The following ZNF362 variants were observed in gnomAD, a reference collection of about 807,000 sequenced individuals.
The protein encoded by ZNF362 is zinc finger protein 362.
A neutral mutation model predicts 42.9 loss-of-function variants in ZNF362; 11 were observed. The observed-to-expected ratio is 0.26, with a 90% CI of 0.16 to 0.42. The LOEUF (loss-of-function observed/expected upper bound fraction) is 0.42, where lower values mean the gene tolerates loss of function less well. Ranked by LOEUF, ZNF362 falls within the 20% of genes least tolerant of loss-of-function variation. The pLI, the probability that ZNF362 is intolerant of heterozygous loss-of-function variation, is 1.00. For synonymous variants in ZNF362, 255 were observed against 257.3 expected (o/e 0.99, Z 0.09); for missense variants, 362 against 576.2 (o/e 0.63, Z 3.81).
the ZNF362 span, among the ~76,000 whole-genome samples, chr1:33,224,830 G>A: frequency 1.3e-5 from 2 of 152,136 alleles, no homozygotes; most frequent in Non-Finnish European, 2.9e-5. Flanking sequence ...GAATGAATAC[G>A]AAGAAAACCA....
chr1:33,290,167 C>T (rs1646066306), intron 6 of ZNF362, among the ~76,000 whole-genome samples: 1 of 152,078 alleles, frequency 6.6e-6, no homozygotes, highest in Admixed American at 6.5e-5. Flanking sequence ...CATATGTATA[C>T]ATGTGCCATG....
the ZNF362 span, among the ~76,000 whole-genome samples, chr1:33,188,546 T>C: frequency 1.3e-5 from 2 of 152,166 alleles, no homozygotes; most frequent in Admixed American, 6.5e-5. Context: ...TCACAGCACC[T>C]CCAGGGTGGT....
chr1:33,194,642 T>G, the ZNF362 span: 1 of 152,036 alleles, frequency 6.6e-6, no homozygotes, highest in African/African-American at 2.4e-5. Flanking sequence ...TTTTAAGCCT[T>G]TTGTGTATCA....
chr1:33,241,571 C>T, the ZNF362 span, among the ~76,000 whole-genome samples: 2 of 149,148 alleles, frequency 1.3e-5, no homozygotes, highest in African/African-American at 4.9e-5. Flanking sequence ...AGTAAATAAA[C>T]AAATAAATAA....
chr1:33,198,810 C>A, the ZNF362 span, among the ~76,000 whole-genome samples: 4 of 152,052 alleles, frequency 2.6e-5, no homozygotes, highest in Non-Finnish European at 4.4e-5. Flanking sequence ...AAAGATTAAA[C>A]ATGTTAAACA....
the ZNF362 span, among the ~76,000 whole-genome samples, chr1:33,236,630 A>G: frequency 7.1e-6 from 1 of 141,484 alleles, no homozygotes; most frequent in Admixed American, 7.3e-5. Context: ...CTGATAATTT[A>G]TGTTGTAGTT....
intron 1 of ZNF362, among the ~76,000 whole-genome samples, chr1:33,270,096 A>G (rs1645890930): frequency 6.6e-6 from 1 of 152,210 alleles, no homozygotes; most frequent in Non-Finnish European, 1.5e-5. Flanking sequence ...GAGTAAAATA[A>G]TGGCTGTAAA....
the ZNF362 span, chr1:33,147,111 A>G: frequency 5.2e-5 from 81 of 1,555,416 alleles, no homozygotes; most frequent in South Asian, 5.4e-4. The surrounding 1 kb of genome is among the most constrained non-coding windows in gnomAD (Gnocchi z 8.1). Flanking sequence ...CAGGTCTTCT[A>G]TCTCCTGGGC....
chr1:33,234,852 A>G, the ZNF362 span, among the ~76,000 whole-genome samples: 2 of 152,112 alleles, frequency 1.3e-5, no homozygotes, highest in Non-Finnish European at 2.9e-5. Context: ...GCTGCCAGGG[A>G]GATCAAAGAG....
At chr1:33,230,442 A>G in the ZNF362 span, among the ~76,000 whole-genome samples, 1 of 152,200 alleles carries the variant, frequency 6.6e-6, no homozygotes, top group Non-Finnish European at 1.5e-5. Flanking sequence ...AGGAAAGGAA[A>G]AGCAAAACCA....
chr1:33,236,568 TATATAC>T, the ZNF362 span, among the ~76,000 whole-genome samples: 5 of 94,344 alleles, frequency 5.3e-5, no homozygotes, highest in Non-Finnish European at 1.0e-4. Flanking sequence ...TATATATATA[TATATAC>T]ATACACACAC....
At chr1:33,249,066 A>G in the ZNF362 span, among the ~76,000 whole-genome samples, 22 of 152,398 alleles carry the variant, frequency 1.4e-4, no homozygotes, top group African/African-American at 5.0e-4. Flanking sequence ...GAATAATTAC[A>G]GCTGAGATAA....
the ZNF362 span, among the ~76,000 whole-genome samples, chr1:33,173,069 G>A: frequency 2.0e-5 from 3 of 152,140 alleles, no homozygotes; most frequent in South Asian, 2.1e-4. Flanking sequence ...AAACCTGACC[G>A]TGACAAACTT....
chr1:33,276,753 G>A (rs1461887829), intron 4 of ZNF362, among the ~76,000 whole-genome samples, 159 bp downstream of exon 4: 1 of 152,202 alleles, frequency 6.6e-6, no homozygotes, highest in Non-Finnish European at 1.5e-5. Context: ...GGTTGGCCAC[G>A]ACGAGCCACA....
chr1:33,189,657 A>ATATATATATATATATG, the ZNF362 span, among the ~76,000 whole-genome samples: 3 of 101,996 alleles, frequency 2.9e-5, no homozygotes, highest in African/African-American at 1.2e-4. Flanking sequence ...ATATATATAT[A>ATATATATATATATATG]TATATATATA....
rs1385845171 is a variant in ZNF362 at position 33,294,995 on chromosome 1, A to G, written c.967A>G (p.Thr323Ala). ...CPHPGCEKAFTQLSNLQSHQR... is the reference protein window; with the variant it reads ...CPHPGCEKAFAQLSNLQSHQR... The stretch of plus-strand genomic sequence containing the variant: ...ACATCCTGGCTGCGAGAAGGCTTTC[A>G]CTCAGCTCTCCAACCTCCAGGTGAG... The change falls in exon 7 of 9, where the codon ACT (threonine) becomes GCT (alanine). Residue 323 changes from threonine to alanine, a missense_variant. Around this residue, in one of 3 missense-constraint regions of ZNF362, gnomAD observed 28 missense variants for 103.4 expected, o/e 0.27. Transcript: ENST00000539719. The surrounding 1 kb of genome is among the most constrained non-coding windows in gnomAD (Gnocchi z 4.2). 1 of 1,613,920 alleles carries G rather than the reference A, an allele frequency of 6.2e-7. No individual in the cohort carries two copies. Among genetic ancestry groups the G allele is most frequent in the Non-Finnish European group, 8.5e-7 (1 of 1,179,944 alleles).
the ZNF362 span, among the ~76,000 whole-genome samples, chr1:33,206,249 C>A: frequency 1.3e-5 from 2 of 151,840 alleles, no homozygotes; most frequent in African/African-American, 4.8e-5. Context: ...GATTTTAGAT[C>A]TTTCCTGCTT....
chr1:33,279,643 C>CCT (rs1645976097), intron 4 of ZNF362, among the ~76,000 whole-genome samples: 1 of 80,406 alleles, frequency 1.2e-5, no homozygotes, highest in East Asian at 3.9e-4. Flanking sequence ...CACAGTTAAG[C>CCT]CTCTTTTTTT....
chr1:33,234,885 C>G, the ZNF362 span, among the ~76,000 whole-genome samples: 1 of 152,196 alleles, frequency 6.6e-6, no homozygotes, highest in African/African-American at 2.4e-5. Context: ...GGAGGCCTCA[C>G]AGCTGCCTGC....
Sources: allele counts gnomAD v4.1 joint callset (sites outside exome capture counted in the v4.1 genomes callset), GRCh38; gene constraint gnomAD v4.1.1; regional missense constraint gnomAD v4.1.1; non-coding constraint Gnocchi (gnomAD v3.1); transcripts MANE v1.5; gene names NCBI Gene and HGNC (gene_info 2026-07-23, HGNC 2026-07-21).